MSN: variants seen among roughly 807,000 people sequenced by gnomAD.
MSN encodes the protein epididymis luminal protein 70.
Under a neutral mutation model 48.0 loss-of-function variants are expected in MSN, and 2 were observed. The observed-to-expected ratio is 0.04, with a 90% CI of 0.02 to 0.13. The LOEUF is 0.13. Among genes scored for constraint, MSN ranks in the 10% least tolerant of loss-of-function variants. The pLI, the probability that MSN is intolerant of heterozygous loss-of-function variation, is 1.00. For missense variants in MSN, 267 were observed against 470.1 expected, an observed-to-expected ratio of 0.57 and a Z score of 3.99; for synonymous variants, 146 against 166.9, an observed-to-expected ratio of 0.87 and a Z score of 0.97.
At chrX:65,598,092 C>G (rs1189273120) in intron 1 of MSN, among the ~76,000 whole-genome samples, 1 of 111,300 alleles carries the variant, frequency 9.0e-6, no homozygotes, top group Non-Finnish European at 1.9e-5. Flanking sequence ...CAGCAACACT[C>G]AGGAAGCACC....
chrX:65,725,518 T>A (rs1431223044), intron 2 of MSN, among the ~76,000 whole-genome samples: 1 of 111,369 alleles, frequency 9.0e-6, no homozygotes, highest in African/African-American at 3.3e-5. Flanking sequence ...GGAAAATGAT[T>A]AGAACTGTTA....
chrX:65,614,665 CTG>C (rs1206538114), intron 1 of MSN, among the ~76,000 whole-genome samples: 1 of 66,689 alleles, frequency 1.5e-5, no homozygotes, highest in Non-Finnish European at 2.4e-5. Flanking sequence ...ATTTGACTCT[CTG>C]TTTTTTTTTT....
chrX:65,613,007 T>A lies in MSN; in HGVS notation c.-22+24395T>A, dbSNP rs181232307. Among the ~76,000 whole-genome samples, 7 of 111,541 alleles carry A rather than the reference T, an allele frequency of 6.3e-5. No individual in the cohort carries two copies. The East Asian group carries it at 2.0e-3, about 31-fold the overall frequency. ...TCAACTCGCCATCTACGTTAGGTAT[T>A]TCTCCTAATGTTATCCCTCCCCTTG... On this transcript the variant is annotated intron_variant, in intron 1 of 3. Coordinates refer to the MSN transcript ENST00000609672.
Position 65,735,293 on chromosome X carries a change from G to A in MSN, c.822G>A (p.Leu274=). ...ACTTCGTCTTCTATGCTCCCCGGCT[G>A]CGGATTAACAAGCGGATCTTGGCCT... ...APDFVFYAPR[L]RINKRILALC... Residue 274 remains leucine (L), a synonymous_variant, in exon 8 of 13, where the codon CTG becomes CTA. Transcript: ENST00000360270. 8.3e-7 allele frequency: 1 copy of A among 1,210,938 alleles called. No homozygotes were observed. The highest frequency in any genetic ancestry group is 1.1e-6 in the Non-Finnish European group (1 of 895,293).
At chrX:65,592,768 C>T (rs1210456381) in intron 1 of MSN, among the ~76,000 whole-genome samples, 2 of 110,678 alleles carry the variant, frequency 1.8e-5, no homozygotes, top group Admixed American at 9.6e-5. Flanking sequence ...AGGCTGGGTG[C>T]GGTGGCTCAC....
At chrX:65,655,502 G>A (rs1457397155) in intron 1 of MSN, among the ~76,000 whole-genome samples, 1 of 112,131 alleles carries the variant, frequency 8.9e-6, no homozygotes, top group Non-Finnish European at 1.9e-5. Context: ...AGAGTATGGG[G>A]TCATGTAACC....
At chrX:65,630,697 T>C (rs950858122) in intron 1 of MSN, among the ~76,000 whole-genome samples, 1 of 111,717 alleles carries the variant, frequency 9.0e-6, no homozygotes, top group African/African-American at 3.3e-5. Flanking sequence ...AGGCAACCAC[T>C]AGTCTACTTT....
At chrX:65,636,776 C>CAAAAAAAA (rs2070604946) in intron 1 of MSN, among the ~76,000 whole-genome samples, 14 of 82,889 alleles carry the variant, frequency 1.7e-4, no homozygotes, top group African/African-American at 8.4e-4. Context: ...AAAAAAAAAC[C>CAAAAAAAA]AGAAAGAAAG....
intron 8 of MSN, among the ~76,000 whole-genome samples, chrX:65,735,632 C>T (rs1454435563): frequency 8.9e-6 from 1 of 111,996 alleles, no homozygotes; most frequent in Non-Finnish European, 1.9e-5. Context: ...AGGAAACTGC[C>T]CTGTAGGACC....
intron 1 of MSN, among the ~76,000 whole-genome samples, chrX:65,674,736 G>T (rs1205369808): frequency 9.0e-6 from 1 of 111,683 alleles, no homozygotes; most frequent in Non-Finnish European, 1.9e-5. Flanking sequence ...TGGCCTCAAA[G>T]TTCACCACTC....
intron 1 of MSN, among the ~76,000 whole-genome samples, chrX:65,689,286 G>A (rs763193616): frequency 5.4e-5 from 6 of 111,687 alleles, no homozygotes; most frequent in African/African-American, 1.6e-4. Context: ...CCATGGGTAC[G>A]GGAATGGTGG....
intron 1 of MSN, among the ~76,000 whole-genome samples, chrX:65,654,168 C>G (rs934264276): frequency 2.0e-5 from 2 of 99,465 alleles, no homozygotes; most frequent in African/African-American, 7.6e-5. Flanking sequence ...TGCAGTGGCG[C>G]GATCTCCACT....
At chrX:65,601,666 C>T (rs2070237086) in intron 1 of MSN, among the ~76,000 whole-genome samples, 1 of 112,525 alleles carries the variant, frequency 8.9e-6, no homozygotes, top group Non-Finnish European at 1.9e-5. Flanking sequence ...CCACTTAGCC[C>T]TGGCAGGTTG....
At chrX:65,639,391 C>T (rs1375702133) in intron 1 of MSN, among the ~76,000 whole-genome samples, 10 of 112,118 alleles carry the variant, frequency 8.9e-5, no homozygotes, top group Non-Finnish European at 9.4e-5. Flanking sequence ...GTAATCCACT[C>T]GCCTCAGCCT....
At chrX:65,737,679 T>TA (rs1393250967) in intron 10 of MSN, among the ~76,000 whole-genome samples, 4 of 112,409 alleles carry the variant, frequency 3.6e-5, no homozygotes, top group Non-Finnish European at 7.5e-5. Flanking sequence ...CCCTTTTCCT[T>TA]ACTTATTTCT....
chrX:65,620,377 A>T (rs145478963), intron 1 of MSN, among the ~76,000 whole-genome samples: 1 of 102,919 alleles, frequency 9.7e-6, no homozygotes, highest in Non-Finnish European at 2.1e-5. Flanking sequence ...GGGCGCAGGA[A>T]CCTCCGAGCC....
intron 1 of MSN, among the ~76,000 whole-genome samples, chrX:65,649,591 AT>A (rs1244016076): frequency 1.0e-5 from 1 of 95,455 alleles, no homozygotes; most frequent in African/African-American, 4.3e-5. Context: ...AAAAAAAAAT[AT>A]ATATATATAT....
intron 1 of MSN, among the ~76,000 whole-genome samples, chrX:65,617,957 G>A (rs1485795397): frequency 3.7e-5 from 4 of 108,104 alleles, no homozygotes; most frequent in South Asian, 4.1e-4. Flanking sequence ...CCTTCATTTC[G>A]TTATGTACCC....
chrX:65,618,362 C>G (rs1178353274), intron 1 of MSN, among the ~76,000 whole-genome samples: 1 of 111,150 alleles, frequency 9.0e-6, no homozygotes, highest in African/African-American at 3.3e-5. Flanking sequence ...GTAGGTCACT[C>G]AGGACTTGCT....
Sources: gnomAD v4.1 joint callset for allele counts (sites outside exome capture counted in the v4.1 genomes callset) on GRCh38, gnomAD v4.1.1 for gene constraint, MANE v1.5 for transcripts, NCBI Gene and HGNC (gene_info 2026-07-23, HGNC 2026-07-21) for gene names.